Variants in CDH13 observed in about 807,000 individuals in gnomAD.
CDH13 encodes the protein cadherin-13.
Under a neutral mutation model 63.8 loss-of-function variants are expected in CDH13, and 24 were observed. That is an observed-to-expected ratio of 0.38 (90% confidence interval 0.27 to 0.53). The LOEUF (loss-of-function observed/expected upper bound fraction) is 0.53. CDH13 is among the 20% of genes least tolerant of loss of function. The pLI is 0.85. For missense variants in CDH13, 1,049 were observed against 903.1 expected (o/e 1.16, Z -2.07); for synonymous variants, 503 against 355.3 (o/e 1.42, Z -4.67).
At chr16:83,203,739 C>G (rs1452799010) in intron 4 of CDH13, among the ~76,000 whole-genome samples, 1 of 149,316 alleles carries the variant, frequency 6.7e-6, no homozygotes. Flanking sequence ...TTTGGTTTAA[C>G]CTTTCCCTGG....
At chr16:83,753,442 G>A (rs1192513019) in intron 11 of CDH13, among the ~76,000 whole-genome samples, 1 of 152,148 alleles carries the variant, frequency 6.6e-6, no homozygotes, top group Non-Finnish European at 1.5e-5. Context: ...CTACTCAGGA[G>A]GCTGAGGAAG....
intron 6 of CDH13, among the ~76,000 whole-genome samples, chr16:83,486,156 C>A (rs1486134012): frequency 9.4e-6 from 1 of 106,532 alleles, no homozygotes; most frequent in African/African-American, 3.8e-5. Context: ...AAATGAATGT[C>A]CCTGTCACAA....
chr16:82,765,874 A>T (rs1022722140), intron 1 of CDH13, among the ~76,000 whole-genome samples: 3 of 152,200 alleles, frequency 2.0e-5, no homozygotes, highest in African/African-American at 7.2e-5. Flanking sequence ...TGAGAATTAC[A>T]TGGAATTATC....
At position 83,800,365 on chromosome 16, in the gene CDH13, TCAACACTGTCCTGATGA is replaced by T. The variant is rs1904313023; in HGVS notation, c.*5339_*5355del. The stretch of plus-strand genomic sequence containing the variant: ...TTATATCTGTGTTGTCATGCACATG[TCAACACTGTCCTGATGA>T]CAAAATTTTATGTATCCCCCCAGAT... On this transcript the variant is annotated 3_prime_UTR_variant, in exon 14 of 14. Coordinates refer to ENST00000567109, the MANE Select transcript of CDH13 (RefSeq NM_001257.5). 1 of 152,232 alleles carries T rather than the reference TCAACACTGTCCTGATGA, an allele frequency of 6.6e-6. No individual in the cohort carries two copies. The highest frequency in any genetic ancestry group is 2.1e-4 in the South Asian group (1 of 4,836). 9.4% of individuals were successfully genotyped at this position (152,232 alleles called of 1,614,324 possible).
chr16:83,211,031 C>T (rs905881770), intron 4 of CDH13, among the ~76,000 whole-genome samples: 2 of 150,470 alleles, frequency 1.3e-5, no homozygotes, highest in Admixed American at 6.6e-5. Flanking sequence ...ACCTGTAGTC[C>T]CAGCTACTTG....
At chr16:83,060,273 G>C (rs991761682) in intron 3 of CDH13, among the ~76,000 whole-genome samples, 4 of 152,112 alleles carry the variant, frequency 2.6e-5, no homozygotes, top group African/African-American at 9.7e-5. Flanking sequence ...AAAGAATATA[G>C]GTCATTTGTC....
intron 1 of CDH13, chr16:82,823,737 G>A (rs1441429244): frequency 1.3e-5 from 2 of 152,152 alleles, no homozygotes; most frequent in African/African-American, 2.4e-5. Context: ...AAAGATAAAT[G>A]TATATGTTAA....
Position 83,107,378 on chromosome 16 carries a change from T to A in CDH13, c.367-18007T>A, listed in dbSNP as rs572243651. On this transcript the variant is annotated intron_variant, in intron 3 of 13. Coordinates refer to ENST00000567109, the MANE Select transcript of CDH13 (RefSeq NM_001257.5). ...TCCTCAGCTAGTATAAATAGTTTGG[T>A]ACATAATAGGTGCTCAATAAATACT... is the stretch of plus-strand genomic sequence containing the variant. Among the ~76,000 whole-genome samples, 53 of 152,262 alleles carry A rather than the reference T, an allele frequency of 3.5e-4. 1 individual carries two copies. The highest frequency in any genetic ancestry group is 1.3e-3 in the African/African-American group (52 of 41,542).
chr16:83,083,460 T>A (rs1447314512), intron 3 of CDH13, among the ~76,000 whole-genome samples: 1 of 152,166 alleles, frequency 6.6e-6, no homozygotes, highest in Non-Finnish European at 1.5e-5. Flanking sequence ...TGGAACAAAA[T>A]CCTTGCCCCC....
intron 5 of CDH13, among the ~76,000 whole-genome samples, chr16:83,226,238 A>C (rs949896630): frequency 6.6e-6 from 1 of 152,192 alleles, no homozygotes; most frequent in Non-Finnish European, 1.5e-5. Context: ...CAGCTGGCGA[A>C]ACTGAGGCAT....
intron 2 of CDH13, among the ~76,000 whole-genome samples, chr16:82,906,877 G>A (rs2041664604): frequency 6.6e-6 from 1 of 152,072 alleles, no homozygotes; most frequent in Admixed American, 6.5e-5. Flanking sequence ...CTCTGTCTGT[G>A]TGTCCTCATG....
At chr16:82,814,773 G>T (rs952437121) in intron 1 of CDH13, among the ~76,000 whole-genome samples, 2 of 152,178 alleles carry the variant, frequency 1.3e-5, no homozygotes, top group Non-Finnish European at 2.9e-5. Context: ...TTTATAGTGG[G>T]TCAGTCAGAA....
chr16:83,147,444 A>C (rs2036798195), intron 4 of CDH13, among the ~76,000 whole-genome samples: 1 of 152,156 alleles, frequency 6.6e-6, no homozygotes, highest in East Asian at 1.9e-4. Context: ...CCTATGACGT[A>C]AATTCCAAGC....
At chr16:83,418,591 A>G (rs2071621326) in intron 6 of CDH13, among the ~76,000 whole-genome samples, 1 of 152,194 alleles carries the variant, frequency 6.6e-6, no homozygotes, top group Non-Finnish European at 1.5e-5. Flanking sequence ...ATTTGCTTGG[A>G]TCTGTACAAA....
At chr16:83,332,410 C>A (rs958758552) in intron 5 of CDH13, among the ~76,000 whole-genome samples, 1 of 152,022 alleles carries the variant, frequency 6.6e-6, no homozygotes, top group Non-Finnish European at 1.5e-5. Context: ...TTAAGAACAT[C>A]ATGTTTGATA....
At chr16:82,929,239 A>C (rs1247724596) in intron 2 of CDH13, among the ~76,000 whole-genome samples, 2 of 152,048 alleles carry the variant, frequency 1.3e-5, no homozygotes, top group African/African-American at 2.4e-5. Context: ...TGGTGTCTGG[A>C]GGTAGGGCTT....
intron 4 of CDH13, among the ~76,000 whole-genome samples, chr16:83,191,745 G>C (rs1470999255): frequency 6.6e-6 from 1 of 151,660 alleles, no homozygotes; most frequent in East Asian, 1.9e-4. Flanking sequence ...TAGGCTGGGA[G>C]GCTAAACCAG....
chr16:83,391,450 C>T (rs774954318), intron 6 of CDH13, among the ~76,000 whole-genome samples: 5 of 152,050 alleles, frequency 3.3e-5, no homozygotes, highest in Non-Finnish European at 7.4e-5. Context: ...GTGATCCGCC[C>T]GCCTCAGCCT....
At chr16:83,747,711 G>A (rs756382827) in intron 10 of CDH13, among the ~76,000 whole-genome samples, 10 of 149,576 alleles carry the variant, frequency 6.7e-5, no homozygotes, top group Non-Finnish European at 1.5e-4. Flanking sequence ...AAGCATTGAT[G>A]TGCCCTGCTT....
Sources: gnomAD v4.1 joint callset for allele counts (sites outside exome capture counted in the v4.1 genomes callset) on GRCh38, gnomAD v4.1.1 for gene constraint, MANE v1.5 for transcripts, NCBI Gene and HGNC (gene_info 2026-07-23, HGNC 2026-07-21) for gene names.